The following IPO11 variants were observed in gnomAD, a reference collection of about 807,000 sequenced individuals.
IPO11 encodes the protein importin-11.
Under a neutral mutation model 143.2 loss-of-function variants are expected in IPO11, and 66 were observed. The observed-to-expected ratio is 0.46, with a 90% CI of 0.38 to 0.57. The LOEUF is 0.57. Among genes scored for constraint, IPO11 ranks in the 20% least tolerant of loss-of-function variants. The probability of loss-of-function intolerance (pLI) is 0.00; values close to 1 mark genes in which losing one functional copy is unlikely to be tolerated. For synonymous variants in IPO11, 385 were observed against 377.8 expected (o/e 1.02, Z -0.22); for missense variants, 1,026 against 1,141.0 (o/e 0.90, Z 1.45).
rs146515026 is a variant in IPO11 at position 62,522,888 on chromosome 5, AACATTTTCTAG to A, written c.1897-3252_1897-3242del. ...GATCTTGGCATCAAACTGCTTTCTA[AACATTTTCTAG>A]AAGTCCTCTTATTATTAATACTTCC... On this transcript the variant is annotated intron_variant, in intron 20 of 29. Coordinates refer to ENST00000325324, the MANE Select transcript of IPO11 (RefSeq NM_016338.5). Among the ~76,000 whole-genome samples, 162 of 152,248 alleles carry A rather than the reference AACATTTTCTAG, an allele frequency of 1.1e-3. 4 individuals are homozygous for A. In the East Asian group the frequency reaches 0.027, roughly 26 times the overall value.
chr5:62,535,000 G>A, intron 22 of IPO11, among the ~76,000 whole-genome samples: 1 of 142,068 alleles, frequency 7.0e-6, no homozygotes, highest in East Asian at 2.0e-4. Context: ...TTAATTTTAA[G>A]GCTATGTATA....
intron 15 of IPO11, 28 bp from the exon 16 acceptor site, chr5:62,493,970 T>C: frequency 6.3e-7 from 1 of 1,583,692 alleles, no homozygotes; most frequent in Non-Finnish European, 8.6e-7. Flanking sequence ...TATTTAACAT[T>C]TTAATTTCAT....
In IPO11 at chr5:62,551,307, A is replaced by C; in HGVS notation, c.2431A>C (p.Asn811His). 1 of 1,601,446 alleles carries C rather than the reference A, an allele frequency of 6.2e-7. No homozygotes were observed. Among genetic ancestry groups the C allele is most frequent in the Non-Finnish European group, 8.5e-7 (1 of 1,170,178 alleles). ...CACTAGTTTTTTTTCTTCACTACTTAATGAGATGGCCCATAAATTTAATCA... is the reference window on the plus strand; with the variant it reads ...CACTAGTTTTTTTTCTTCACTACTTCATGAGATGGCCCATAAATTTAATCA... ...QNTSFFSSLL[N>H]EMAHKFNQEM... The change falls in exon 26 of 30, where the codon AAT becomes CAT. Residue 811 changes from asparagine to histidine, a missense_variant. Asn to His is a moderately conservative substitution (Grantham distance 68). This residue lies in a region of IPO11 where 351 missense variants were observed against 358.9 expected (regional missense o/e 0.98). Transcript: ENST00000325324.
intron 21 of IPO11, 77 bp from the exon 22 acceptor site, chr5:62,530,632 T>C (rs1742512452): frequency 1.2e-6 from 1 of 833,306 alleles, no homozygotes; most frequent in African/African-American, 1.7e-5. Context: ...AATGAGACCT[T>C]TTAAAATATT....
chr5:62,514,522 A>G (rs1741927802), intron 19 of IPO11, among the ~76,000 whole-genome samples: 1 of 151,060 alleles, frequency 6.6e-6, no homozygotes, highest in Admixed American at 6.6e-5. Context: ...GGGAGGCTGC[A>G]GAGAGCCGAG....
chr5:62,543,569 T>C (rs189560444), intron 24 of IPO11, among the ~76,000 whole-genome samples: 29 of 152,306 alleles, frequency 1.9e-4, no homozygotes, highest in African/African-American at 7.0e-4. Context: ...GTTTGATTCT[T>C]CTCTCTTTTC....
chr5:62,454,509 C>T (rs1326849303), intron 5 of IPO11, among the ~76,000 whole-genome samples: 1 of 152,178 alleles, frequency 6.6e-6, no homozygotes, highest in African/African-American at 2.4e-5. Context: ...TGTTGCCTTA[C>T]AGGTATACTT....
At chr5:62,513,413 G>GGC (rs1561343063) in intron 19 of IPO11, among the ~76,000 whole-genome samples, 1 of 50,054 alleles carries the variant, frequency 2.0e-5, no homozygotes, top group Non-Finnish European at 4.6e-5. Context: ...AGGGGGCGCT[G>GGC]ACCCCCCCCC....
intron 29 of IPO11, among the ~76,000 whole-genome samples, chr5:62,613,766 T>C (rs982778745): frequency 6.6e-6 from 1 of 152,176 alleles, no homozygotes; most frequent in Non-Finnish European, 1.5e-5. Context: ...ACACTTGTAC[T>C]TGGAAACCAG....
chr5:62,483,136 T>C lies in IPO11; in HGVS notation c.864T>C (p.Phe288=), dbSNP rs368152207. ...TCTTGGATCAGCATCCTTTTTCATT[T>C]ACTCCTCTAATTCAGAGATCACTGG... ...LDFLDQHPFS[F]TPLIQRSLEF... The change falls in exon 10 of 30, where the codon TTT becomes TTC. Residue 288 remains phenylalanine, a synonymous_variant. Transcript: ENST00000325324. 1 of 1,606,212 alleles carries C rather than the reference T, an allele frequency of 6.2e-7. No individual in the cohort carries two copies. Among genetic ancestry groups the C allele is most frequent in the Non-Finnish European group, 8.5e-7 (1 of 1,176,122 alleles).
At chr5:62,519,526 C>T (rs1226627039) in intron 20 of IPO11, among the ~76,000 whole-genome samples, 1 of 152,130 alleles carries the variant, frequency 6.6e-6, no homozygotes, top group African/African-American at 2.4e-5. Context: ...CTTCCTATTC[C>T]ACTATCCTCC....
chr5:62,469,693 C>G (rs187355478), intron 6 of IPO11, among the ~76,000 whole-genome samples: 6 of 152,218 alleles, frequency 3.9e-5, no homozygotes, highest in Non-Finnish European at 8.8e-5. Flanking sequence ...GACAATAGAT[C>G]AAGGATTTAA....
chr5:62,583,095 C>T (rs922941488), intron 27 of IPO11, among the ~76,000 whole-genome samples: 5 of 151,928 alleles, frequency 3.3e-5, no homozygotes, highest in African/African-American at 1.2e-4. Context: ...ATTATTTTTC[C>T]TAAGTAATTT....
intron 27 of IPO11, among the ~76,000 whole-genome samples, chr5:62,581,853 T>C (rs1326481722): frequency 6.6e-6 from 1 of 152,168 alleles, no homozygotes; most frequent in African/African-American, 2.4e-5. Flanking sequence ...CTGTTGAGTA[T>C]AACATTTGTG....
At chr5:62,476,629 T>G in intron 8 of IPO11, 54 bp from the exon 9 acceptor site, 1 of 1,455,984 alleles carries the variant, frequency 6.9e-7, no homozygotes, top group Non-Finnish European at 9.2e-7. Flanking sequence ...AATTTTGATG[T>G]TGTCTTGGTT....
At chr5:62,431,704 G>A (rs761150241) in intron 1 of IPO11, among the ~76,000 whole-genome samples, 3 of 152,112 alleles carry the variant, frequency 2.0e-5, no homozygotes, top group Non-Finnish European at 4.4e-5. Context: ...CACTTTGGGA[G>A]GCTGAGGTAG....
chr5:62,547,152 G>A (rs954522000), intron 24 of IPO11, among the ~76,000 whole-genome samples: 2 of 152,044 alleles, frequency 1.3e-5, no homozygotes, highest in African/African-American at 4.8e-5. Context: ...CATCCCTGGT[G>A]GGATGTAACG....
intron 1 of IPO11, among the ~76,000 whole-genome samples, chr5:62,435,136 G>GTGTA (rs1744149264): frequency 1.0e-5 from 1 of 95,900 alleles, no homozygotes; most frequent in African/African-American, 5.7e-5. Context: ...GTATATATAT[G>GTGTA]TATATATGTA....
intron 19 of IPO11, among the ~76,000 whole-genome samples, chr5:62,508,822 T>C (rs1348865437): frequency 1.3e-5 from 2 of 152,156 alleles, no homozygotes; most frequent in African/African-American, 4.8e-5. Flanking sequence ...GTTCTCATTG[T>C]TCAACTCCCA....
Sources: gnomAD v4.1 joint callset for allele counts (sites outside exome capture counted in the v4.1 genomes callset) on GRCh38, gnomAD v4.1.1 for gene constraint, gnomAD v4.1.1 regional missense constraint, MANE v1.5 for transcripts, NCBI Gene and HGNC (gene_info 2026-07-23, HGNC 2026-07-21) for gene names.